The following GPHN variants were observed in gnomAD, a reference collection of about 807,000 sequenced individuals.
GPHN encodes gephyrin.
Under a neutral mutation model 95.5 loss-of-function variants are expected in GPHN, and 17 were observed. That is an observed-to-expected ratio of 0.18 (90% confidence interval 0.12 to 0.27). The LOEUF (loss-of-function observed/expected upper bound fraction) is 0.27. Among genes scored for constraint, GPHN ranks in the 10% least tolerant of loss-of-function variants. GPHN has a pLI of 1.00. For missense variants in GPHN, 660 were observed against 978.1 expected, an observed-to-expected ratio of 0.67 and a Z score of 4.34; for synonymous variants, 320 against 322.5, an observed-to-expected ratio of 0.99 and a Z score of 0.08.
chr14:66,905,213 G>T (rs1035673440), intron 5 of GPHN, among the ~76,000 whole-genome samples: 2 of 151,954 alleles, frequency 1.3e-5, no homozygotes, highest in Non-Finnish European at 2.9e-5. Flanking sequence ...ACTGTTGAGA[G>T]CTTCTAACGA....
the GPHN span, chr14:67,573,880 C>T: frequency 1.5e-5 from 24 of 1,611,522 alleles, no homozygotes; most frequent in South Asian, 3.3e-5. This position sits in a 1 kb window ranked among gnomAD's most constrained non-coding sequence, Gnocchi z 4.8. Context: ...GGTTCACAGA[C>T]GTTTCAGGTG....
At chr14:67,424,636 C>T in the GPHN span, among the ~76,000 whole-genome samples, 1 of 151,578 alleles carries the variant, frequency 6.6e-6, no homozygotes, top group Non-Finnish European at 1.5e-5. Flanking sequence ...ATCCAAGCCC[C>T]TGCCCACCCC....
the GPHN span, among the ~76,000 whole-genome samples, chr14:67,507,305 T>C: frequency 3.3e-5 from 5 of 152,056 alleles, no homozygotes; most frequent in African/African-American, 1.2e-4. Context: ...GCTATGATTA[T>C]GCCACTGCAC....
intron 9 of GPHN, among the ~76,000 whole-genome samples, chr14:66,992,184 A>G (rs915362973): frequency 6.6e-6 from 1 of 152,084 alleles, no homozygotes; most frequent in African/African-American, 2.4e-5. Flanking sequence ...ATATGTGTAG[A>G]TAGGTTTTGG....
intron 11 of GPHN, among the ~76,000 whole-genome samples, chr14:67,067,189 G>A (rs1021844605): frequency 7.2e-5 from 11 of 152,116 alleles, no homozygotes; most frequent in Non-Finnish European, 1.2e-4. Context: ...GAGTCAGGTC[G>A]CTCAGCTGCA....
chr14:67,262,833 TATATATTCTTCATTATTAGCC>T, the GPHN span, among the ~76,000 whole-genome samples: 4 of 152,174 alleles, frequency 2.6e-5, no homozygotes, highest in Non-Finnish European at 5.9e-5. Context: ...AACTAGGCCA[TATATATTCTTCATTATTAGCC>T]ATATACAGCA....
chr14:67,203,126 T>C, the GPHN span: 9 of 1,613,642 alleles, frequency 5.6e-6, no homozygotes, highest in African/African-American at 1.1e-4. Context: ...TTTACCTTCA[T>C]AACCGAGCCA....
At chr14:67,042,678 G>T (rs1010677676) in intron 10 of GPHN, among the ~76,000 whole-genome samples, 1 of 152,160 alleles carries the variant, frequency 6.6e-6, no homozygotes, top group African/African-American at 2.4e-5. Flanking sequence ...CTCCAGCTTT[G>T]TTCTTCTTGC....
chr14:66,834,513 C>A (rs1314959422), intron 4 of GPHN, among the ~76,000 whole-genome samples: 3 of 152,014 alleles, frequency 2.0e-5, no homozygotes, highest in Non-Finnish European at 4.4e-5. Flanking sequence ...TTGAGATAAT[C>A]ATGTGGTTTT....
At chr14:67,242,195 T>C in the GPHN span, among the ~76,000 whole-genome samples, 10 of 152,240 alleles carry the variant, frequency 6.6e-5, no homozygotes, top group Non-Finnish European at 1.5e-4. Flanking sequence ...CTAATGATCA[T>C]AACTCACCTT....
chr14:67,350,410 C>A, the GPHN span, among the ~76,000 whole-genome samples: 1 of 152,092 alleles, frequency 6.6e-6, no homozygotes, highest in Non-Finnish European at 1.5e-5. Context: ...TACTAAGTAT[C>A]CTGCGCCTGC....
chr14:67,572,551 G>A, the GPHN span, among the ~76,000 whole-genome samples: 2 of 152,174 alleles, frequency 1.3e-5, no homozygotes, highest in African/African-American at 4.8e-5. Flanking sequence ...CCCATGAAGA[G>A]TTTTCCATAT....
At chr14:67,486,234 G>A in the GPHN span, among the ~76,000 whole-genome samples, 1 of 152,226 alleles carries the variant, frequency 6.6e-6, no homozygotes, top group African/African-American at 2.4e-5. Context: ...TTCTCATGCT[G>A]TTCTTGTGAT....
chr14:67,569,093 G>A, the GPHN span: 29,636 of 1,317,260 alleles, frequency 0.022, 806 homozygotes, highest in African/African-American at 0.13. Context: ...GGGGTGGGAT[G>A]GGCATCATGC....
chr14:66,994,900 C>A (rs1341690719), intron 9 of GPHN, among the ~76,000 whole-genome samples: 1 of 152,056 alleles, frequency 6.6e-6, no homozygotes, highest in Non-Finnish European at 1.5e-5. Context: ...TTCATCAGTT[C>A]AGTTTTTTAA....
At chr14:67,154,513 T>G (rs1312192297) in intron 18 of GPHN, among the ~76,000 whole-genome samples, 2 of 152,178 alleles carry the variant, frequency 1.3e-5, no homozygotes, top group African/African-American at 4.8e-5. Context: ...ACATATGGAA[T>G]TCCTAATACA....
the GPHN span, among the ~76,000 whole-genome samples, chr14:67,496,579 A>G: frequency 6.6e-6 from 1 of 151,518 alleles, no homozygotes; most frequent in Admixed American, 6.6e-5. Flanking sequence ...AGAGAAGTAG[A>G]CGTGAGAGAG....
At position 66,736,652 on chromosome 14, in the gene GPHN, G is replaced by A. The variant is rs185575554; in HGVS notation, c.144-39812G>A. Reference sequence around the variant, plus strand: ...ACTCCTGACCTCAGGTTATCCACCCGCCTCGGCCTCCTAAAGTGCAGGGAT... The same window carrying A: ...ACTCCTGACCTCAGGTTATCCACCCACCTCGGCCTCCTAAAGTGCAGGGAT... On this transcript the variant is annotated intron_variant, in intron 2 of 22. Transcript: ENST00000478722. Among the ~76,000 whole-genome samples the A allele has an allele frequency of 4.2e-3, 644 of 151,972 alleles. 2 individuals carry two copies. The highest frequency in any genetic ancestry group is 7.1e-3 in the Non-Finnish European group (480 of 67,950).
intron 1 of GPHN, among the ~76,000 whole-genome samples, chr14:66,567,787 GTTTAAC>G (rs1466276541): frequency 4.6e-5 from 7 of 152,182 alleles, no homozygotes; most frequent in Admixed American, 3.3e-4. Context: ...TATGTTTAGT[GTTTAAC>G]TTTATTTTGT....
Sources: gnomAD v4.1 joint callset for allele counts (sites outside exome capture counted in the v4.1 genomes callset) on GRCh38, gnomAD v4.1.1 for gene constraint, Gnocchi (gnomAD v3.1) non-coding constraint, MANE v1.5 for transcripts, NCBI Gene and HGNC (gene_info 2026-07-23, HGNC 2026-07-21) for gene names.